Variants in PTPN9 observed in about 807,000 individuals in gnomAD.
PTPN9 encodes tyrosine-protein phosphatase non-receptor type 9.
PTPN9 carries 26 observed loss-of-function variants against 69.8 expected under a neutral mutation model. The observed-to-expected ratio is 0.37, with a 90% CI of 0.27 to 0.52. The LOEUF is 0.52. Among genes scored for constraint, PTPN9 ranks in the 20% least tolerant of loss-of-function variants. PTPN9 has a pLI of 0.91. For missense variants in PTPN9, 549 were observed against 740.3 expected (o/e 0.74, Z 3.00); for synonymous variants, 274 against 272.5 (o/e 1.01, Z -0.05).
chr15:75,577,613 C>T (rs767856367), intron 1 of PTPN9, among the ~76,000 whole-genome samples: 2 of 152,148 alleles, frequency 1.3e-5, no homozygotes, highest in Non-Finnish European at 2.9e-5. Context: ...TTTAAAAAAT[C>T]AGGTCAACAA....
At chr15:75,486,052 A>G (rs564798641) in intron 8 of PTPN9, among the ~76,000 whole-genome samples, 151 of 147,806 alleles carry the variant, frequency 1.0e-3, no homozygotes, top group Non-Finnish European at 1.9e-3. Context: ...GTGAGCCGAG[A>G]TCGCACCACT....
At position 75,567,248 on chromosome 15, in the gene PTPN9, C is replaced by T. The variant is rs147449709; in HGVS notation, c.63+11466G>A. Among the ~76,000 whole-genome samples, 145 of 152,162 alleles carry T rather than the reference C, an allele frequency of 9.5e-4. 1 individual carries two copies. The highest frequency in any genetic ancestry group is 3.4e-3 in the Middle Eastern group (1 of 294). On this transcript the variant is annotated intron_variant, in intron 1 of 12. Coordinates refer to ENST00000618819, the MANE Select transcript of PTPN9 (RefSeq NM_002833.4). ...GGCCAGGCTGGTCTTGAACTCCTGA[C>T]CTCAGGTGATCCGACTGCCTTGGCC...
At chr15:75,491,488 T>C (rs2074710854) in intron 7 of PTPN9, among the ~76,000 whole-genome samples, 1 of 151,960 alleles carries the variant, frequency 6.6e-6, no homozygotes, top group Non-Finnish European at 1.5e-5. Context: ...AAATTGGTAC[T>C]AAGAAGTGGG....
chr15:75,479,367 A>G (rs913313934), intron 9 of PTPN9, among the ~76,000 whole-genome samples: 5 of 152,208 alleles, frequency 3.3e-5, no homozygotes, highest in African/African-American at 1.2e-4. Context: ...CAGACTTATT[A>G]GCACATACTA....
intron 1 of PTPN9, among the ~76,000 whole-genome samples, chr15:75,550,315 G>A (rs1016437067): frequency 2.7e-5 from 4 of 150,836 alleles, no homozygotes; most frequent in South Asian, 2.1e-4. Context: ...ACAGGCACCC[G>A]CCACTACATC....
intron 3 of PTPN9, 36 bp from the exon 4 acceptor site, chr15:75,523,281 A>G: frequency 6.2e-7 from 1 of 1,602,948 alleles, no homozygotes; most frequent in Non-Finnish European, 8.5e-7. Flanking sequence ...TAAAAAAATC[A>G]AATAGAAAAT....
intron 7 of PTPN9, among the ~76,000 whole-genome samples, chr15:75,503,964 A>T (rs1357558402): frequency 9.9e-6 from 1 of 101,112 alleles, no homozygotes; most frequent in South Asian, 3.6e-4. Context: ...GCCTCTGCCC[A>T]GCCGCCCCTA....
Position 75,470,772 on chromosome 15 carries a change from G to A in PTPN9, c.1267C>T (p.Arg423Trp), listed in dbSNP as rs768858532. Residue 423 changes from arginine (R) to tryptophan (W), a missense_variant, in exon 11 of 13, where the codon CGG (arginine) becomes TGG (tryptophan). This residue lies in a region of PTPN9 where 457 missense variants were observed against 661.9 expected (regional missense o/e 0.69). Coordinates refer to ENST00000618819, the MANE Select transcript of PTPN9 (RefSeq NM_002833.4). ...ACTGTGAGGAAGCCAAATCGGATCC[G>A]AGAGTCTTTTTCTAAAGGCCAGTAC... ...GQYWPLEKDS[R>W]IRFGFLTVTN... 8.7e-6 allele frequency: 14 copies of A among 1,614,190 alleles called. No individual in the cohort carries two copies. The East Asian group carries it at 1.8e-4, about 21-fold the overall frequency.
chr15:75,471,553 A>G (rs896247981), intron 10 of PTPN9, among the ~76,000 whole-genome samples: 26 of 146,042 alleles, frequency 1.8e-4, no homozygotes, highest in Non-Finnish European at 3.4e-4. Flanking sequence ...CAGTGAGCTG[A>G]GATGGCACCA....
chr15:75,503,160 T>C (rs1236815024), intron 7 of PTPN9, among the ~76,000 whole-genome samples: 26 of 148,780 alleles, frequency 1.7e-4, no homozygotes, highest in Admixed American at 1.3e-3. Context: ...GGAGCGTCTC[T>C]GCCCGGCCGC....
At chr15:75,479,580 A>T (rs1200036735) in intron 9 of PTPN9, among the ~76,000 whole-genome samples, 1 of 152,128 alleles carries the variant, frequency 6.6e-6, no homozygotes, top group African/African-American at 2.4e-5. Flanking sequence ...AATACTAAGA[A>T]ATAGCCCCAA....
chr15:75,477,880 G>A (rs979447673), intron 9 of PTPN9, among the ~76,000 whole-genome samples: 3 of 122,384 alleles, frequency 2.5e-5, no homozygotes, highest in Non-Finnish European at 4.7e-5. Flanking sequence ...TTCCTCTGTC[G>A]CCCAGGCTGG....
chr15:75,568,633 G>A (rs1163503326), intron 1 of PTPN9, among the ~76,000 whole-genome samples: 3 of 151,490 alleles, frequency 2.0e-5, no homozygotes, highest in African/African-American at 7.3e-5. Context: ...ACAAGAGTTC[G>A]GGACCAGCCT....
chr15:75,480,021 G>T, intron 8 of PTPN9, 107 bp from the exon 9 acceptor site: 1 of 727,482 alleles, frequency 1.4e-6, no homozygotes, highest in Non-Finnish European at 2.2e-6. Context: ...TTCTCTTCTT[G>T]TTGAGCAGAA....
chr15:75,492,270 A>G (rs2074715237), intron 7 of PTPN9, among the ~76,000 whole-genome samples: 1 of 152,202 alleles, frequency 6.6e-6, no homozygotes, highest in Non-Finnish European at 1.5e-5. Context: ...AGTATTCACT[A>G]CAAACCCAAA....
intron 4 of PTPN9, 70 bp downstream of exon 4, chr15:75,523,051 T>G: frequency 6.4e-7 from 1 of 1,573,238 alleles, no homozygotes; most frequent in Non-Finnish European, 8.7e-7. Flanking sequence ...ACTGCTGAAT[T>G]TAATCAAGTA....
At chr15:75,572,711 A>G (rs981542317) in intron 1 of PTPN9, among the ~76,000 whole-genome samples, 1 of 152,180 alleles carries the variant, frequency 6.6e-6, no homozygotes, top group Non-Finnish European at 1.5e-5. Flanking sequence ...TGTCTCAAAA[A>G]AAAAGAAAAA....
At chr15:75,561,412 TA>T (rs1350145835) in intron 1 of PTPN9, among the ~76,000 whole-genome samples, 2 of 150,266 alleles carry the variant, frequency 1.3e-5, no homozygotes, top group African/African-American at 4.9e-5. Flanking sequence ...AAATCTAGCT[TA>T]AAAACAGAAA....
At chr15:75,508,889 C>T (rs763316409) in intron 6 of PTPN9, 28 bp downstream of exon 6, 2 of 1,520,302 alleles carry the variant, frequency 1.3e-6, no homozygotes, top group South Asian at 1.1e-5. Flanking sequence ...TATTCACCTC[C>T]AGATAAAAAA....
Sources: allele counts gnomAD v4.1 joint callset (sites outside exome capture counted in the v4.1 genomes callset), GRCh38; gene constraint gnomAD v4.1.1; regional missense constraint gnomAD v4.1.1; transcripts MANE v1.5; gene names NCBI Gene and HGNC (gene_info 2026-07-23, HGNC 2026-07-21).